UBE2D3: variants seen among roughly 807,000 people sequenced by gnomAD.
UBE2D3 encodes the protein ubiquitin-conjugating enzyme E2 D3.
A neutral mutation model predicts 22.8 loss-of-function variants in UBE2D3; 2 were observed. The ratio of observed to expected loss-of-function variants is 0.09; its 90% CI spans 0.04 to 0.28. The LOEUF (loss-of-function observed/expected upper bound fraction) is 0.28. UBE2D3 is among the 10% of genes least tolerant of loss of function. UBE2D3 has a pLI of 1.00. For missense variants in UBE2D3, 27 were observed against 182.5 expected (o/e 0.15, Z 4.91); for synonymous variants, 56 against 60.4 (o/e 0.93, Z 0.34).
chr4:102,803,354 G>A (rs774971105), intron 4 of UBE2D3, among the ~76,000 whole-genome samples: 16 of 152,134 alleles, frequency 1.1e-4, no homozygotes, highest in African/African-American at 2.9e-4. Context: ...GAACCAATCC[G>A]AAGACATGTT....
At chr4:102,814,390 G>C (rs548288720) in intron 2 of UBE2D3, among the ~76,000 whole-genome samples, 2 of 150,662 alleles carry the variant, frequency 1.3e-5, no homozygotes, top group Non-Finnish European at 2.9e-5. Flanking sequence ...CCAGGTTCAA[G>C]TGACTCTCCT....
chr4:102,812,540 T>C (rs995705679), intron 2 of UBE2D3: 1 of 152,230 alleles, frequency 6.6e-6, no homozygotes, highest in African/African-American at 2.4e-5. Flanking sequence ...ATTGAATAGA[T>C]AGCTTGAAAA....
intron 1 of UBE2D3, among the ~76,000 whole-genome samples, chr4:102,857,198 A>T (rs2110374887): frequency 6.6e-6 from 1 of 152,342 alleles, no homozygotes; most frequent in African/African-American, 2.4e-5. Flanking sequence ...CTGTAAATTT[A>T]AAGCTATTCT....
At chr4:102,844,495 C>T (rs1269843526) in intron 1 of UBE2D3, among the ~76,000 whole-genome samples, 1 of 152,134 alleles carries the variant, frequency 6.6e-6, no homozygotes. Context: ...AGCAATCCCT[C>T]CATTGATCAG....
intron 2 of UBE2D3, chr4:102,810,392 A>T (rs1488035943): frequency 7.4e-6 from 1 of 134,692 alleles, no homozygotes; most frequent in Non-Finnish European, 1.6e-5. Context: ...TTTTAAACTC[A>T]GCATCCATTT....
At chr4:102,809,724 C>A (rs779237119) in intron 3 of UBE2D3, 21 bp from the exon 4 acceptor site, 4 of 1,612,364 alleles carry the variant, frequency 2.5e-6, no homozygotes, top group Non-Finnish European at 3.4e-6. Flanking sequence ...AAAAAAAACT[C>A]TGGTTATCTA....
At chr4:102,799,313 T>G (rs547215202) in intron 7 of UBE2D3, 94 bp downstream of exon 7, 48 of 951,702 alleles carry the variant, frequency 5.0e-5, no homozygotes, top group Middle Eastern at 6.5e-4. Flanking sequence ...ATTATCTTAC[T>G]AAATATCAAG....
intron 2 of UBE2D3, among the ~76,000 whole-genome samples, chr4:102,823,186 G>A (rs1044894064): frequency 6.6e-6 from 1 of 152,036 alleles, no homozygotes; most frequent in African/African-American, 2.4e-5. Context: ...AAAGTAAACC[G>A]TTCTGAATGA....
At chr4:102,831,531 A>T (rs1160678138), upstream of UBE2D3, among the ~76,000 whole-genome samples, 1 of 151,804 alleles carries the variant, frequency 6.6e-6, no homozygotes, top group East Asian at 1.9e-4. Flanking sequence ...TGAATGGATA[A>T]AGAAGATGTG....
chr4:102,833,976 G>T (rs1258980104), intron 1 of UBE2D3, among the ~76,000 whole-genome samples: 1 of 152,166 alleles, frequency 6.6e-6, no homozygotes, highest in African/African-American at 2.4e-5. Flanking sequence ...ATTGACTGAG[G>T]GTAAATCATG....
chr4:102,828,819 GCT>G (rs771460245), upstream of UBE2D3, among the ~76,000 whole-genome samples: 3 of 152,168 alleles, frequency 2.0e-5, no homozygotes, highest in Non-Finnish European at 4.4e-5. Flanking sequence ...CGGCAGTTAT[GCT>G]CTCTAGTGTA....
chr4:102,821,606 T>C (rs1208023009), intron 2 of UBE2D3, among the ~76,000 whole-genome samples: 4 of 103,188 alleles, frequency 3.9e-5, no homozygotes, highest in Non-Finnish European at 5.8e-5. Flanking sequence ...CATGCAGCTG[T>C]ATTTTTTTTT....
chr4:102,817,503 TAA>T (rs1728941268), intron 2 of UBE2D3, among the ~76,000 whole-genome samples: 1 of 152,160 alleles, frequency 6.6e-6, no homozygotes, highest in Non-Finnish European at 1.5e-5. Flanking sequence ...ATAGGTGAAC[TAA>T]GTGTACCTAC....
At chr4:102,856,584 T>G (rs76795287) in intron 1 of UBE2D3, among the ~76,000 whole-genome samples, 2,277 of 152,290 alleles carry the variant, frequency 0.015, 54 homozygotes, top group African/African-American at 0.049. Flanking sequence ...TTTAAAATCA[T>G]AATATTCGTA....
At chr4:102,820,467 A>C (rs1188896989) in intron 2 of UBE2D3, among the ~76,000 whole-genome samples, 2 of 152,210 alleles carry the variant, frequency 1.3e-5, no homozygotes, top group Non-Finnish European at 1.5e-5. Flanking sequence ...ACAGTATCTC[A>C]CTGCATCACT....
chr4:102,809,984 T>C, intron 2 of UBE2D3, 129 bp from the exon 3 acceptor site: 1 of 870,158 alleles, frequency 1.1e-6, no homozygotes, highest in South Asian at 1.6e-5. Context: ...ACATAAATAA[T>C]ATATTCCATT....
In UBE2D3 at chr4:102,796,308, A is replaced by C. The variant is rs1344875942; in HGVS notation, c.*1107T>G. 1 of 152,452 alleles carries C rather than the reference A, an allele frequency of 6.6e-6. No individual in the cohort carries two copies. The highest frequency in any genetic ancestry group is 1.9e-4 in the East Asian group (1 of 5,192). The allele number at this position is 152,452 out of a possible 1,614,324, so 9.4% of individuals were successfully genotyped here. On this transcript the variant is annotated 3_prime_UTR_variant, in exon 8 of 8. Transcript: ENST00000453744. ...CACATTTCAAAACTGCTGGGTCCCAAAAGTCCATCTATGAACTCTAGGGCT... is the reference window on the plus strand; with the variant it reads ...CACATTTCAAAACTGCTGGGTCCCACAAGTCCATCTATGAACTCTAGGGCT...
intron 1 of UBE2D3, among the ~76,000 whole-genome samples, chr4:102,863,379 C>T (rs1267082330): frequency 1.3e-5 from 2 of 152,054 alleles, no homozygotes; most frequent in Non-Finnish European, 2.9e-5. Context: ...CTACCTCTCA[C>T]AGGAGCGAAC....
In UBE2D3 at chr4:102,854,150, T is replaced by C. The variant is rs187998530; in HGVS notation, c.-129+14565A>G. Among the ~76,000 whole-genome samples the C allele has an allele frequency of 1.6e-4, 24 of 152,348 alleles. No homozygotes were observed. The East Asian group carries it at 4.4e-3, about 28-fold the overall frequency. On this transcript the variant is annotated intron_variant, in intron 1 of 7. Transcript: ENST00000338145. ...GAATTGCTTGTTCCCTTGATGTGAA[T>C]TTCTGAGTTCCCTGATTAAACCTCC... is the stretch of plus-strand genomic sequence containing the variant.
Sources: gnomAD v4.1 joint callset for allele counts (sites outside exome capture counted in the v4.1 genomes callset) on GRCh38, gnomAD v4.1.1 for gene constraint, MANE v1.5 for transcripts, NCBI Gene and HGNC (gene_info 2026-07-23, HGNC 2026-07-21) for gene names.